Variants in TENM3 observed in about 807,000 individuals in gnomAD.
TENM3 encodes teneurin transmembrane protein 3, also known as teneurin-3.
TENM3 carries 63 observed loss-of-function variants against 255.1 expected under a neutral mutation model. The ratio of observed to expected loss-of-function variants is 0.25; its 90% CI spans 0.20 to 0.30. The LOEUF (loss-of-function observed/expected upper bound fraction) is 0.30. Ranked by LOEUF, TENM3 falls within the 10% of genes least tolerant of loss-of-function variation. TENM3 has a pLI of 1.00. For synonymous variants in TENM3, 1,306 were observed against 1,322.3 expected (o/e 0.99, Z 0.27); for missense variants, 2,929 against 3,461.1 (o/e 0.85, Z 3.86).
the TENM3 span, among the ~76,000 whole-genome samples, chr4:181,786,084 T>C: frequency 1.3e-5 from 2 of 152,078 alleles, no homozygotes; most frequent in African/African-American, 2.4e-5. Context: ...ATCAGAAGCA[T>C]AAGGAGGAAA....
At chr4:181,839,240 G>A in the TENM3 span, among the ~76,000 whole-genome samples, 52 of 147,926 alleles carry the variant, frequency 3.5e-4, 1 homozygote, top group African/African-American at 1.3e-3. Flanking sequence ...TAGAAAAGAA[G>A]AATAATATAA....
the TENM3 span, among the ~76,000 whole-genome samples, chr4:182,030,000 C>CTTTTTTTTTTTTTTT: frequency 2.4e-5 from 2 of 83,448 alleles, 1 homozygote; most frequent in Non-Finnish European, 4.4e-5. Flanking sequence ...CATCTCTCTC[C>CTTTTTTTTTTTTTTT]TTTTTTTCTT....
the TENM3 span, among the ~76,000 whole-genome samples, chr4:181,981,324 C>T: frequency 1.8e-4 from 27 of 152,240 alleles, no homozygotes; most frequent in Non-Finnish European, 3.7e-4. Flanking sequence ...GACTCTCTTA[C>T]GGGCTTTGGG....
chr4:181,722,235 A>G, the TENM3 span, among the ~76,000 whole-genome samples: 2 of 152,186 alleles, frequency 1.3e-5, no homozygotes. Flanking sequence ...TGTTTTAAGA[A>G]GAAGAAAGAG....
intron 1 of TENM3, among the ~76,000 whole-genome samples, chr4:182,154,400 A>C (rs547708743): frequency 6.6e-6 from 1 of 152,318 alleles, no homozygotes; most frequent in East Asian, 1.9e-4. Flanking sequence ...AGTTTTATCA[A>C]GTAGCACTAG....
the TENM3 span, among the ~76,000 whole-genome samples, chr4:181,596,600 T>TA: frequency 2.6e-5 from 4 of 151,922 alleles, no homozygotes; most frequent in Middle Eastern, 3.4e-3. Context: ...TATTTGTAGC[T>TA]AAAAAAAAGA....
At chr4:181,825,219 G>T in the TENM3 span, among the ~76,000 whole-genome samples, 1 of 152,046 alleles carries the variant, frequency 6.6e-6, no homozygotes, top group Admixed American at 6.5e-5. Context: ...TGGACAACAT[G>T]GTGAAACCCC....
chr4:181,478,853 G>T, the TENM3 span, among the ~76,000 whole-genome samples: 3 of 152,112 alleles, frequency 2.0e-5, no homozygotes, highest in East Asian at 5.8e-4. Flanking sequence ...TGGTTTTCAC[G>T]CTGAGCTCAA....
intron 6 of TENM3, among the ~76,000 whole-genome samples, chr4:182,657,535 C>A (rs1382516451): frequency 1.3e-5 from 2 of 152,194 alleles, no homozygotes; most frequent in Non-Finnish European, 2.9e-5. Flanking sequence ...CTGATACCAT[C>A]CAGTCAACAT....
At chr4:182,084,525 G>A in the TENM3 span, among the ~76,000 whole-genome samples, 18 of 151,964 alleles carry the variant, frequency 1.2e-4, no homozygotes, top group African/African-American at 4.4e-4. Flanking sequence ...CCACTAATTG[G>A]CTAAAATATT....
At position 182,595,155 on chromosome 4, in the gene TENM3, C is replaced by A. The variant is rs1429477535; in HGVS notation, c.512-5769C>A. ...AAATATCCCACGGAAAGTAAATATG[C>A]CATATTCATTGTCATGTGTCTCAAT... On this transcript the variant is annotated intron_variant, in intron 3 of 27. Transcript: ENST00000511685. Among the ~76,000 whole-genome samples, 4 of 152,028 alleles carry A rather than the reference C, an allele frequency of 2.6e-5. No individual in the cohort carries two copies. The East Asian group carries it at 7.7e-4, about 29-fold the overall frequency.
intron 1 of TENM3, among the ~76,000 whole-genome samples, chr4:182,308,601 A>G (rs1469544459): frequency 6.6e-6 from 1 of 152,138 alleles, no homozygotes; most frequent in East Asian, 1.9e-4. Context: ...CAGCCTCCTA[A>G]TGTGCTGTGA....
chr4:182,529,058 C>T (rs916691783), intron 3 of TENM3, among the ~76,000 whole-genome samples: 9 of 152,248 alleles, frequency 5.9e-5, no homozygotes, highest in African/African-American at 2.2e-4. Flanking sequence ...GATTTCTATG[C>T]TTGCGACAAA....
At chr4:182,024,276 T>G in the TENM3 span, among the ~76,000 whole-genome samples, 1 of 152,266 alleles carries the variant, frequency 6.6e-6, no homozygotes, top group Admixed American at 6.5e-5. Context: ...TTTTAGAATG[T>G]CTACACTAAA....
intron 3 of TENM3, among the ~76,000 whole-genome samples, chr4:182,457,384 C>T (rs541967894): frequency 6.6e-6 from 1 of 152,066 alleles, no homozygotes; most frequent in East Asian, 1.9e-4. Flanking sequence ...GAAAGATAAG[C>T]ATCTGTGTTA....
intron 6 of TENM3, 48 bp from the exon 7 acceptor site, chr4:182,672,956 GT>G: frequency 1.5e-6 from 2 of 1,350,232 alleles, no homozygotes; most frequent in African/African-American, 1.5e-5. Flanking sequence ...TTTTTGTTTT[GT>G]TTTTTTAAAA....
chr4:182,448,220 GC>G (rs1049763020), intron 3 of TENM3, among the ~76,000 whole-genome samples: 3 of 152,232 alleles, frequency 2.0e-5, no homozygotes, highest in African/African-American at 7.2e-5. Context: ...CCCGCCACGG[GC>G]CGGTCCACGC....
rs181034983 is a variant in TENM3 at position 182,254,106 on chromosome 4, G to A, written c.-76+10630G>A. Reference sequence around the variant, plus strand: ...GACATTAGTTTCTTGATGCCAAATCGTGTTCTGTCTGGTGGAGCGTATTTT... The same window carrying A: ...GACATTAGTTTCTTGATGCCAAATCATGTTCTGTCTGGTGGAGCGTATTTT... On this transcript the variant is annotated intron_variant, in intron 1 of 27. Coordinates refer to ENST00000511685, the MANE Select transcript of TENM3 (RefSeq NM_001080477.4). Among the ~76,000 whole-genome samples the A allele has an allele frequency of 1.3e-3, 204 of 152,144 alleles. 1 individual carries two copies. Among genetic ancestry groups the A allele is most frequent in the African/African-American group, 4.6e-3 (192 of 41,502 alleles).
chr4:182,352,527 T>G (rs563862033), intron 3 of TENM3, among the ~76,000 whole-genome samples: 1 of 152,248 alleles, frequency 6.6e-6, no homozygotes, highest in African/African-American at 2.4e-5. Flanking sequence ...GTTTGAGCAA[T>G]GTACCTGTTG....
Sources: gnomAD v4.1 joint callset for allele counts (sites outside exome capture counted in the v4.1 genomes callset) on GRCh38, gnomAD v4.1.1 for gene constraint, MANE v1.5 for transcripts, NCBI Gene and HGNC (gene_info 2026-07-23, HGNC 2026-07-21) for gene names.